The following ERI1 variants were observed in gnomAD, a reference collection of about 807,000 sequenced individuals.
ERI1 encodes exoribonuclease 1.
A neutral mutation model predicts 39.7 loss-of-function variants in ERI1; 39 were observed. The observed-to-expected ratio is 0.98, with a 90% CI of 0.76 to 1.28. The LOEUF (loss-of-function observed/expected upper bound fraction) is 1.28, where lower values mean the gene tolerates loss of function less well. Among genes scored for constraint, ERI1 ranks in the 50% most tolerant of loss-of-function variants. ERI1 has a pLI of 0.00. For synonymous variants in ERI1, 204 were observed against 149.6 expected (o/e 1.36, Z -2.65); for missense variants, 581 against 416.9 (o/e 1.39, Z -3.43).
At chr8:9,018,149 T>G (rs893534821) in intron 4 of ERI1, 148 bp from the exon 5 acceptor site, 1 of 520,898 alleles carries the variant, frequency 1.9e-6, no homozygotes. Flanking sequence ...AATGAAACTT[T>G]AGGTGGAGCT....
At chr8:9,009,712 G>T (rs1360994231) in intron 2 of ERI1, among the ~76,000 whole-genome samples, 1 of 152,044 alleles carries the variant, frequency 6.6e-6, no homozygotes, top group African/African-American at 2.4e-5. Context: ...GCTAATTTTT[G>T]TATTTTTAGT....
At chr8:9,084,286 CTATTCCACCACATT>C (rs1205939239) in intron 3 of ERI1, among the ~76,000 whole-genome samples, 5 of 152,162 alleles carry the variant, frequency 3.3e-5, no homozygotes. Context: ...ACCGCCTCAT[CTATTCCACCACATT>C]TTTGTCCATT....
At chr8:9,081,821 C>G (rs534114033) in intron 3 of ERI1, among the ~76,000 whole-genome samples, 1 of 152,080 alleles carries the variant, frequency 6.6e-6, no homozygotes, top group African/African-American at 2.4e-5. Context: ...TGCTCCAAAG[C>G]CAAGAGAGGG....
At chr8:9,007,947 T>C in intron 1 of ERI1, 23 bp from the exon 2 acceptor site, 1 of 1,152,520 alleles carries the variant, frequency 8.7e-7, no homozygotes, top group Non-Finnish European at 1.1e-6. Context: ...TTTTTTTTTT[T>C]TTTTTTTTTT....
chr8:9,014,306 C>T (rs1180910435), intron 3 of ERI1, among the ~76,000 whole-genome samples: 1 of 152,186 alleles, frequency 6.6e-6, no homozygotes, highest in Non-Finnish European at 1.5e-5. Flanking sequence ...CCTTCTCTCC[C>T]TCCCTCCCGT....
At chr8:9,099,830 G>C (rs6601289) in intron 3 of ERI1, 41,124 of 152,028 alleles carry the variant, frequency 0.27, 5,838 homozygotes, top group African/African-American at 0.32. Context: ...TTGGTATTAT[G>C]GACACATGCT....
chr8:9,005,899 A>G (rs534652695), intron 1 of ERI1, among the ~76,000 whole-genome samples: 1 of 152,306 alleles, frequency 6.6e-6, no homozygotes, highest in East Asian at 1.9e-4. Context: ...CTTATTTGAG[A>G]TAATATAAAC....
intron 3 of ERI1, among the ~76,000 whole-genome samples, chr8:9,059,754 G>C (rs1798630834): frequency 6.6e-6 from 1 of 152,178 alleles, no homozygotes; most frequent in South Asian, 2.1e-4. Flanking sequence ...GATAGCACCA[G>C]GCGATATCAG....
At chr8:9,092,690 A>C (rs1799746162) in intron 3 of ERI1, among the ~76,000 whole-genome samples, 1 of 152,220 alleles carries the variant, frequency 6.6e-6, no homozygotes, top group Non-Finnish European at 1.5e-5. Context: ...CTTGGACAAG[A>C]TTCAGATTTA....
intron 3 of ERI1, among the ~76,000 whole-genome samples, chr8:9,066,589 A>G (rs140079943): frequency 2.0e-5 from 3 of 152,300 alleles, no homozygotes; most frequent in African/African-American, 4.8e-5. Flanking sequence ...CAGATGCATG[A>G]TTTTGTGAAG....
At chr8:9,072,079 C>A (rs933133476) in intron 3 of ERI1, among the ~76,000 whole-genome samples, 2 of 152,012 alleles carry the variant, frequency 1.3e-5, no homozygotes, top group Non-Finnish European at 1.5e-5. Flanking sequence ...CGTACACACA[C>A]GCAAAAATGA....
At chr8:9,024,507 G>C (rs536084527) in intron 6 of ERI1, among the ~76,000 whole-genome samples, 1 of 151,826 alleles carries the variant, frequency 6.6e-6, no homozygotes, top group South Asian at 2.1e-4. Context: ...TGCAACCTGC[G>C]CCTCCTGGGT....
chr8:9,052,563 T>A (rs1018839720), intron 3 of ERI1, among the ~76,000 whole-genome samples: 2 of 152,262 alleles, frequency 1.3e-5, no homozygotes, highest in African/African-American at 4.8e-5. Flanking sequence ...ACATGCTAGG[T>A]GCACACGTAT....
intron 3 of ERI1, among the ~76,000 whole-genome samples, chr8:9,052,666 A>G (rs1279840202): frequency 6.6e-6 from 1 of 152,242 alleles, no homozygotes; most frequent in Non-Finnish European, 1.5e-5. Context: ...ACTGCAATCA[A>G]GAGATTTACC....
intron 2 of ERI1, chr8:9,009,175 A>G: frequency 4.6e-6 from 2 of 438,316 alleles, no homozygotes; most frequent in South Asian, 1.6e-5. Context: ...CCTGTATTGA[A>G]TTCTAAGTAC....
intron 3 of ERI1, among the ~76,000 whole-genome samples, chr8:9,089,767 A>G (rs899931507): frequency 6.6e-6 from 1 of 152,150 alleles, no homozygotes; most frequent in Non-Finnish European, 1.5e-5. Flanking sequence ...GTTTCCCACC[A>G]TTAGGAAAAA....
intron 1 of ERI1, among the ~76,000 whole-genome samples, chr8:9,005,740 C>T (rs1315830213): frequency 6.6e-6 from 1 of 151,942 alleles, no homozygotes; most frequent in Non-Finnish European, 1.5e-5. Flanking sequence ...GTTATCCGCC[C>T]GCCTCGGCCT....
chr8:9,046,824 C>G (rs1291201707), intron 3 of ERI1, among the ~76,000 whole-genome samples: 1 of 152,120 alleles, frequency 6.6e-6, no homozygotes, highest in African/African-American at 2.4e-5. Flanking sequence ...CAAGCAGGGC[C>G]CACATCGGCC....
At chr8:9,075,589 TTTG>T (rs1282511379) in intron 3 of ERI1, among the ~76,000 whole-genome samples, 1 of 152,008 alleles carries the variant, frequency 6.6e-6, no homozygotes, top group Admixed American at 6.6e-5. Context: ...AGCCATGCAT[TTTG>T]TTGTTGTTGT....
Sources: allele counts gnomAD v4.1 joint callset (sites outside exome capture counted in the v4.1 genomes callset), GRCh38; gene constraint gnomAD v4.1.1; transcripts MANE v1.5; gene names NCBI Gene and HGNC (gene_info 2026-07-23, HGNC 2026-07-21).